Variants in DAPK1 observed in about 807,000 individuals in gnomAD.
The protein encoded by DAPK1 is death associated protein kinase 1.
DAPK1 carries 56 observed loss-of-function variants against 144.9 expected under a neutral mutation model. That is an observed-to-expected ratio of 0.39 (90% CI 0.31 to 0.48). The LOEUF is 0.48. DAPK1 is among the 20% of genes least tolerant of loss of function. The probability of loss-of-function intolerance (pLI) is 0.95; values close to 1 mark genes in which losing one functional copy is unlikely to be tolerated. For synonymous variants in DAPK1, 690 were observed against 749.0 expected (o/e 0.92, Z 1.29); for missense variants, 1,454 against 1,875.4 (o/e 0.78, Z 4.15).
Position 87,575,213 on chromosome 9 carries a change from CAATAAAATAAAATAAAATAA to C in DAPK1, c.63-29699_63-29680del, listed in dbSNP as rs10522915. Among the ~76,000 whole-genome samples the C allele has an allele frequency of 8.5e-3, 1,117 of 131,380 alleles. 12 individuals carry two copies. Among genetic ancestry groups the C allele is most frequent in the African/African-American group, 0.021 (729 of 35,520 alleles). The allele number at this position is 131,380 out of a possible 152,430, so 86.2% of individuals were successfully genotyped here. A position where few individuals can be genotyped will look rare whatever the true frequency, so the allele number is the denominator to read the frequency against. On this transcript the variant is annotated intron_variant, in intron 2 of 25. Coordinates refer to ENST00000408954, the MANE Select transcript of DAPK1 (RefSeq NM_004938.4). ...CCAGTCTGGGCAACAGACTCCATCT[CAATAAAATAAAATAAAATAA>C]AATAAAATAAAATAAAATAAAATAA... is the stretch of plus-strand genomic sequence containing the variant.
At chr9:87,668,257 T>G (rs1341463270) in intron 18 of DAPK1, among the ~76,000 whole-genome samples, 1 of 152,198 alleles carries the variant, frequency 6.6e-6, no homozygotes, top group Non-Finnish European at 1.5e-5. Context: ...ACTGTCTGCC[T>G]GATTGGAGAT....
intron 24 of DAPK1, 89 bp downstream of exon 24, chr9:87,700,326 C>T: frequency 1.0e-6 from 1 of 956,902 alleles, no homozygotes; most frequent in Non-Finnish European, 1.7e-6. Flanking sequence ...TAGTAGGACC[C>T]AGTAAGAGGT....
chr9:87,575,215 A>ATAAAAT (rs1827498615), intron 2 of DAPK1, among the ~76,000 whole-genome samples: 1 of 26,748 alleles, frequency 3.7e-5, no homozygotes, highest in African/African-American at 2.0e-4. Context: ...CTCCATCTCA[A>ATAAAAT]TAAAATAAAA....
At chr9:87,648,950 C>T (rs760698041) in intron 15 of DAPK1, 71 bp downstream of exon 15, 30 of 1,353,120 alleles carry the variant, frequency 2.2e-5, no homozygotes, top group Admixed American at 1.0e-4. Context: ...ATGGTACAGT[C>T]GGGGCCTTTA....
In DAPK1 at chr9:87,648,907, C is replaced by T. The variant is rs377270881; in HGVS notation, c.1428+28C>T. On this transcript the variant is annotated intron_variant, in intron 15 of 25. Coordinates refer to ENST00000408954, the MANE Select transcript of DAPK1 (RefSeq NM_004938.4). ...GGGTCGTGACTGACATCCTCCCTTC[C>T]TCTGCTCTATACATGAATGTACAGG... 2.5e-6 allele frequency: 4 copies of T among 1,580,988 alleles called. No individual in the cohort carries two copies. In the South Asian group the frequency reaches 3.3e-5, roughly 13 times the overall value.
Position 87,686,820 on chromosome 9 carries a change from C to A in DAPK1, c.2413+81C>A. Reference sequence around the variant, plus strand: ...AAGTCATCCCTAAAGGGAGCTTGTCCTGAGCTGTATCTGTCACTTCCAGAA... The same window carrying A: ...AAGTCATCCCTAAAGGGAGCTTGTCATGAGCTGTATCTGTCACTTCCAGAA... On this transcript the variant is annotated intron_variant, in intron 21 of 25. Coordinates refer to ENST00000408954, the MANE Select transcript of DAPK1 (RefSeq NM_004938.4). This position sits in a 1 kb window ranked among gnomAD's most constrained non-coding sequence, Gnocchi z 4.2. 1 of 1,400,212 alleles carries A rather than the reference C, an allele frequency of 7.1e-7. No individual in the cohort carries two copies. Among genetic ancestry groups the A allele is most frequent in the Non-Finnish European group, 9.7e-7 (1 of 1,028,690 alleles). 86.7% of individuals were successfully genotyped at this position (1,400,212 alleles called of 1,614,324 possible).
intron 2 of DAPK1, among the ~76,000 whole-genome samples, chr9:87,531,437 A>G (rs964296563): frequency 6.6e-6 from 1 of 152,228 alleles, no homozygotes; most frequent in Non-Finnish European, 1.5e-5. Flanking sequence ...AGAAAGAAGA[A>G]TAGTTAGGAC....
rs1363566555 is a variant in DAPK1 at position 87,697,158 on chromosome 9, C to T, written c.2565C>T (p.Phe855=). 4.4e-6 allele frequency: 7 copies of T among 1,589,654 alleles called. No homozygotes were observed. The highest frequency in any genetic ancestry group is 6.0e-6 in the Non-Finnish European group (7 of 1,157,754). ...PYEIQLNQVI[F]WLSFLKSLVP... ...AGATCCAGCTGAACCAAGTGATTTT[C>T]TGGCTCAGTTTCCTGAAGTCCCTTG... The change falls in exon 22 of 26, where the codon TTC becomes TTT. Residue 855 remains phenylalanine (F), a synonymous_variant. Transcript: ENST00000408954.
chr9:87,607,901 A>G (rs561412101), intron 3 of DAPK1, among the ~76,000 whole-genome samples: 3 of 152,344 alleles, frequency 2.0e-5, no homozygotes, highest in East Asian at 3.9e-4. Context: ...AAGAGATTCA[A>G]TTGACTCATG....
intron 3 of DAPK1, among the ~76,000 whole-genome samples, chr9:87,606,019 A>G (rs530946281): frequency 2.6e-5 from 4 of 152,274 alleles, no homozygotes; most frequent in Admixed American, 6.5e-5. Context: ...GGACAAACCA[A>G]TCCTCAGTGG....
rs147459695 is a variant in DAPK1, at chr9:87,556,731, A to G, written c.63-48223A>G. Among the ~76,000 whole-genome samples the G allele has an allele frequency of 2.9e-3, 439 of 152,292 alleles. 4 individuals carry two copies. The highest frequency in any genetic ancestry group is 0.01 in the African/African-American group (430 of 41,558). On this transcript the variant is annotated intron_variant, in intron 2 of 25. Transcript: ENST00000408954. ...GCTCCAGGAGCTCGCTGGAGAACAT[A>G]TCGAGGCCTGTGTGGCTCCTCAGCC...
At chr9:87,532,787 TA>T (rs770185550) in intron 2 of DAPK1, among the ~76,000 whole-genome samples, 9 of 152,306 alleles carry the variant, frequency 5.9e-5, no homozygotes, top group Admixed American at 1.3e-4. Context: ...AATTTTTAAA[TA>T]TACAGAGAAG....
intron 2 of DAPK1, among the ~76,000 whole-genome samples, chr9:87,500,763 C>A (rs373952475): frequency 6.6e-6 from 1 of 152,090 alleles, no homozygotes; most frequent in African/African-American, 2.4e-5. Flanking sequence ...TTGTCACTAG[C>A]ACTTTGATTT....
At position 87,553,246 on chromosome 9, in the gene DAPK1, G is replaced by C. The variant is rs1015808860; in HGVS notation, c.63-51708G>C. Among the ~76,000 whole-genome samples, 18 of 149,380 alleles carry C rather than the reference G, an allele frequency of 1.2e-4. No individual in the cohort carries two copies. In the East Asian group the frequency reaches 2.5e-3, roughly 21 times the overall value. On this transcript the variant is annotated intron_variant, in intron 2 of 25. Coordinates refer to ENST00000408954, the MANE Select transcript of DAPK1 (RefSeq NM_004938.4). ...TCCTTGACTTGTGTCTGTCATGTGG[G>C]GGGGGTTGGGTGATTGGAAATATTT... is the stretch of plus-strand genomic sequence containing the variant.
Position 87,708,004 on chromosome 9 carries a change from G to C in DAPK1, c.*640G>C, listed in dbSNP as rs1440683525. The C allele has an allele frequency of 2.9e-6, 1 of 340,756 alleles. No individual in the cohort carries two copies. The highest frequency in any genetic ancestry group is 5.8e-6 in the Non-Finnish European group (1 of 173,196). 21.1% of individuals were successfully genotyped at this position (340,756 alleles called of 1,614,324 possible). A position where few individuals can be genotyped will look rare whatever the true frequency, so the allele number is the denominator to read the frequency against. On this transcript the variant is annotated 3_prime_UTR_variant, in exon 26 of 26. Transcript: ENST00000408954. ...CTGTATGCTGATCATCGCCAGAGGT[G>C]CTTCACCCTGAGTTTTGTTTTGTAT...
At chr9:87,602,737 A>C (rs180810203) in intron 2 of DAPK1, among the ~76,000 whole-genome samples, 7 of 151,866 alleles carry the variant, frequency 4.6e-5, no homozygotes, top group African/African-American at 1.7e-4. Context: ...AGGTTCAAGC[A>C]ATTCTCCTGC....
At chr9:87,647,840 T>C (rs1291647504) in intron 14 of DAPK1, among the ~76,000 whole-genome samples, 33 of 152,216 alleles carry the variant, frequency 2.2e-4, no homozygotes, top group Non-Finnish European at 1.5e-5. Flanking sequence ...CATAAAGTAA[T>C]AAAGTAAGGC....
intron 18 of DAPK1, among the ~76,000 whole-genome samples, chr9:87,659,483 A>C (rs1039695849): frequency 9.9e-5 from 15 of 152,196 alleles, no homozygotes; most frequent in Admixed American, 8.5e-4. Flanking sequence ...TTTTTGTCCT[A>C]TGTGTGGCCT....
intron 2 of DAPK1, among the ~76,000 whole-genome samples, chr9:87,523,249 T>C (rs560222842): frequency 2.0e-5 from 3 of 152,352 alleles, no homozygotes; most frequent in African/African-American, 7.2e-5. Context: ...ATCAAATTCG[T>C]TTAATCTTTT....
Sources: gnomAD v4.1 joint callset for allele counts (sites outside exome capture counted in the v4.1 genomes callset) on GRCh38, gnomAD v4.1.1 for gene constraint, Gnocchi (gnomAD v3.1) non-coding constraint, MANE v1.5 for transcripts, NCBI Gene and HGNC (gene_info 2026-07-23, HGNC 2026-07-21) for gene names.